The following SBF2 variants were observed in gnomAD, a reference collection of about 807,000 sequenced individuals.
SBF2 encodes myotubularin-related protein 13.
SBF2 carries 112 observed loss-of-function variants against 225.2 expected under a neutral mutation model. The observed-to-expected ratio is 0.50, with a 90% CI of 0.43 to 0.58. SBF2 has a LOEUF of 0.58. Among genes scored for constraint, SBF2 ranks in the 20% least tolerant of loss-of-function variants. SBF2 has a pLI of 0.00. For synonymous variants in SBF2, 763 were observed against 773.3 expected (o/e 0.99, Z 0.22); for missense variants, 1,996 against 2,206.2 (o/e 0.90, Z 1.91).
chr11:9,832,488 G>GA, intron 26 of SBF2, 68 bp from the exon 27 acceptor site: 1 of 1,095,884 alleles, frequency 9.1e-7, no homozygotes, highest in Non-Finnish European at 1.4e-6. Context: ...AAGGGGAAAG[G>GA]AAATGAGAGA....
chr11:10,272,352 T>C lies in SBF2; in HGVS notation c.55+21663A>G. On this transcript the variant is annotated intron_variant, in intron 1 of 39. Transcript: ENST00000256190. ...CTGTAACTAAGGCTTACTTACTTGC[T>C]AGTTACCAGTTACTCACACAATTTC... The C allele has an allele frequency of 3.4e-6, 2 of 594,924 alleles. 1 individual carries two copies. Among genetic ancestry groups the C allele is most frequent in the African/African-American group, 3.5e-5 (2 of 56,678 alleles). The allele number at this position is 594,924 out of a possible 1,614,324, so 36.9% of individuals were successfully genotyped here.
At chr11:10,008,514 A>T (rs1478003080) in intron 6 of SBF2, among the ~76,000 whole-genome samples, 1 of 152,250 alleles carries the variant, frequency 6.6e-6, no homozygotes, top group African/African-American at 2.4e-5. Flanking sequence ...CAAACGGAAA[A>T]GTGGCAGCTC....
At chr11:10,029,744 C>T (rs765547773) in intron 5 of SBF2, 21 bp downstream of exon 5, 4 of 1,450,704 alleles carry the variant, frequency 2.8e-6, no homozygotes, top group South Asian at 2.3e-5. Flanking sequence ...CCTTCTCCAC[C>T]TCTCTTTCTA....
intron 26 of SBF2, among the ~76,000 whole-genome samples, chr11:9,834,790 G>A (rs1855632318): frequency 6.6e-6 from 1 of 152,172 alleles, no homozygotes; most frequent in African/African-American, 2.4e-5. Flanking sequence ...ATGTGTATTA[G>A]ACAGGGAAAT....
At chr11:10,217,413 C>G (rs1283711067) in intron 1 of SBF2, among the ~76,000 whole-genome samples, 1 of 151,970 alleles carries the variant, frequency 6.6e-6, no homozygotes, top group East Asian at 1.9e-4. Flanking sequence ...TTACAAAAAA[C>G]AAAAACAAAA....
chr11:9,808,765 C>T (rs879555600), intron 31 of SBF2, 136 bp downstream of exon 31: 1 of 671,326 alleles, frequency 1.5e-6, no homozygotes, highest in Non-Finnish European at 2.6e-6. Context: ...TGATGGATAC[C>T]AGGTGCTGTT....
intron 1 of SBF2, among the ~76,000 whole-genome samples, chr11:10,225,423 C>T (rs1466133508): frequency 1.3e-5 from 2 of 151,228 alleles, no homozygotes; most frequent in African/African-American, 2.4e-5. Context: ...AAAAAAAACC[C>T]GTCGTCTAAG....
At chr11:10,234,901 CAGTATCT>C (rs1222231255) in intron 1 of SBF2, among the ~76,000 whole-genome samples, 1 of 152,140 alleles carries the variant, frequency 6.6e-6, no homozygotes, top group African/African-American at 2.4e-5. Flanking sequence ...CCAGGTGGTA[CAGTATCT>C]CTTATATGCC....
intron 2 of SBF2, among the ~76,000 whole-genome samples, chr11:10,120,717 T>G (rs1223075361): frequency 6.6e-6 from 1 of 152,218 alleles, no homozygotes; most frequent in African/African-American, 2.4e-5. Flanking sequence ...GCCTCCGGGT[T>G]CAAGCGATTC....
chr11:9,944,689 G>A (rs1865464241), intron 16 of SBF2, among the ~76,000 whole-genome samples: 1 of 152,192 alleles, frequency 6.6e-6, no homozygotes, highest in African/African-American at 2.4e-5. Context: ...AACAGTCCAT[G>A]TTCAAGGATT....
intron 2 of SBF2, among the ~76,000 whole-genome samples, chr11:10,097,664 A>G (rs1952084200): frequency 2.0e-5 from 3 of 152,186 alleles, no homozygotes; most frequent in Non-Finnish European, 2.9e-5. Context: ...TGGGAGCCCA[A>G]AAGTCCAGCA....
At chr11:10,225,723 TCTAA>T (rs1464839433) in intron 1 of SBF2, among the ~76,000 whole-genome samples, 4 of 152,150 alleles carry the variant, frequency 2.6e-5, no homozygotes, top group Admixed American at 6.6e-5. Flanking sequence ...GCAGTTTACT[TCTAA>T]CTATCTCACG....
At chr11:9,877,555 C>A (rs1325588094) in intron 17 of SBF2, among the ~76,000 whole-genome samples, 1 of 151,930 alleles carries the variant, frequency 6.6e-6, no homozygotes, top group African/African-American at 2.4e-5. Flanking sequence ...CAATCCCCAA[C>A]CCCCCGACAG....
At chr11:10,089,567 C>CA (rs1186242970) in intron 2 of SBF2, among the ~76,000 whole-genome samples, 2 of 152,082 alleles carry the variant, frequency 1.3e-5, no homozygotes, top group African/African-American at 2.4e-5. Flanking sequence ...CACGGATACC[C>CA]AGAGTACTTT....
In SBF2 at chr11:9,795,842, C is replaced by A; in HGVS notation, c.4559G>T (p.Arg1520Ile). The change falls in exon 33 of 40, where the codon AGA (arginine) becomes ATA (isoleucine). Residue 1520 changes from arginine (R) to isoleucine (I), a missense_variant. Arg to Ile is a moderately conservative substitution (Grantham distance 97, BLOSUM62 -3). Coordinates refer to ENST00000256190, the MANE Select transcript of SBF2 (RefSeq NM_030962.4). ...ATACAGACACATACCGTGCTCTAAT[C>A]TTTCATAGTCTGAATCCAGGAGAAA... Reference protein sequence around the residue: ...KTFLLDSDYERLEHGTLFDDK... With the variant: ...KTFLLDSDYEILEHGTLFDDK... The A allele has an allele frequency of 6.2e-7, 1 of 1,613,812 alleles. No homozygotes were observed. The highest frequency in any genetic ancestry group is 8.5e-7 in the Non-Finnish European group (1 of 1,179,924).
Position 10,042,971 on chromosome 11 carries a change from G to T in SBF2, c.152C>A (p.Pro51His). 6.2e-7 allele frequency: 1 copy of T among 1,613,620 alleles called. No homozygotes were observed. The highest frequency in any genetic ancestry group is 8.5e-7 in the Non-Finnish European group (1 of 1,179,814). ...FPQGIELFCQPGGWQLSRERK... is the reference protein window; with the variant it reads ...FPQGIELFCQHGGWQLSRERK... ...CTCTCTGGACAGCTGCCACCCGCCA[G>T]GCTGACAAAACTAAATGAAATAGAA... Residue 51 changes from proline (P) to histidine (H), a missense_variant, in exon 3 of 40, where the codon CCT becomes CAT. Physicochemically the swap from Pro to His is moderately conservative, Grantham distance 77. Coordinates refer to ENST00000256190, the MANE Select transcript of SBF2 (RefSeq NM_030962.4).
intron 1 of SBF2, among the ~76,000 whole-genome samples, chr11:10,291,318 T>C (rs779552776): frequency 5.3e-5 from 8 of 152,066 alleles, no homozygotes; most frequent in African/African-American, 1.7e-4. Flanking sequence ...CCTTAAGCCA[T>C]ATGAGGTTAA....
At position 9,999,255 on chromosome 11, in the gene SBF2, C is replaced by A. The variant is rs188183926; in HGVS notation, c.862-876G>T. Among the ~76,000 whole-genome samples, 627 of 152,058 alleles carry A rather than the reference C, an allele frequency of 4.1e-3. 6 individuals carry two copies. The highest frequency in any genetic ancestry group is 0.014 in the African/African-American group (587 of 41,454). On this transcript the variant is annotated intron_variant, in intron 8 of 39. Coordinates refer to ENST00000256190, the MANE Select transcript of SBF2 (RefSeq NM_030962.4). ...GACTGTTTTTATTTATTTGGCAACA[C>A]TTGGTTGGTCCTACCTCCAGTGACT...
chr11:9,856,463 T>A lies in SBF2; in HGVS notation c.2358A>T (p.Thr786=). Residue 786 remains threonine, a synonymous_variant, in exon 19 of 40, where the codon ACA becomes ACT. Transcript: ENST00000256190. The part of the protein sequence containing the change: ...DWESGSNSIV[T]NSIAGSVAES... ...GTGTGTTCACATTTTGGTACCTGTT[T>A]GTGACAATGCTGTTGCTTCCGCTCT... The A allele has an allele frequency of 6.2e-7, 1 of 1,613,806 alleles. No homozygotes were observed. The highest frequency in any genetic ancestry group is 8.5e-7 in the Non-Finnish European group (1 of 1,180,016).
Sources: gnomAD v4.1 joint callset for allele counts (sites outside exome capture counted in the v4.1 genomes callset) on GRCh38, gnomAD v4.1.1 for gene constraint, MANE v1.5 for transcripts, NCBI Gene and HGNC (gene_info 2026-07-23, HGNC 2026-07-21) for gene names.